The following PCDH11X variants were observed in gnomAD, a reference collection of about 807,000 sequenced individuals.
The protein encoded by PCDH11X is protocadherin 11 X-linked.
Under a neutral mutation model 53.3 loss-of-function variants are expected in PCDH11X, and 18 were observed. The ratio of observed to expected loss-of-function variants is 0.34; its 90% CI spans 0.23 to 0.50. The LOEUF (loss-of-function observed/expected upper bound fraction) is 0.50, where lower values mean the gene tolerates loss of function less well. Ranked by LOEUF, PCDH11X falls within the 20% of genes least tolerant of loss-of-function variation. The probability of loss-of-function intolerance (pLI) is 0.98; values close to 1 mark genes in which losing one functional copy is unlikely to be tolerated. For synonymous variants in PCDH11X, 279 were observed against 393.3 expected (o/e 0.71, Z 3.44); for missense variants, 570 against 1,032.4 (o/e 0.55, Z 6.14).
At chrX:92,358,527 T>A in intron 8 of PCDH11X, among the ~76,000 whole-genome samples, 1 of 91,274 alleles carries the variant, frequency 1.1e-5, no homozygotes, top group Non-Finnish European at 2.1e-5. Flanking sequence ...TTTTTTGATT[T>A]TTTTTTTTTG....
intron 6 of PCDH11X, among the ~76,000 whole-genome samples, chrX:92,134,615 G>A (rs2065053869): frequency 9.0e-6 from 1 of 111,089 alleles, no homozygotes; most frequent in Non-Finnish European, 1.9e-5. Flanking sequence ...TAAAGTGAAA[G>A]CACGTTTATT....
intron 6 of PCDH11X, among the ~76,000 whole-genome samples, chrX:91,945,048 C>CATATATATATATATATATATATATAT (rs754168068): frequency 5.1e-4 from 32 of 62,915 alleles, no homozygotes; most frequent in South Asian, 8.5e-4. Flanking sequence ...ACATCATATA[C>CATATATATATATATATATATATATAT]ATATATATAT....
chrX:92,112,052 C>T (rs1444591422), intron 6 of PCDH11X, among the ~76,000 whole-genome samples: 14 of 107,008 alleles, frequency 1.3e-4, no homozygotes, highest in Admixed American at 4.1e-4. Context: ...CCACTGCGCC[C>T]AGCCTCTAAT....
chrX:92,391,445 G>C (rs1159720850), intron 9 of PCDH11X, among the ~76,000 whole-genome samples: 7 of 109,541 alleles, frequency 6.4e-5, no homozygotes, highest in Non-Finnish European at 1.1e-4. Context: ...AGGACAGTGA[G>C]ATCCTCTTGG....
chrX:92,217,539 C>T (rs944576147), intron 7 of PCDH11X, among the ~76,000 whole-genome samples: 2 of 100,168 alleles, frequency 2.0e-5, no homozygotes, highest in Admixed American at 1.1e-4. Context: ...ACAGGAGCAC[C>T]CAGTTTCATA....
chrX:92,169,600 TG>T (rs1442127289), intron 6 of PCDH11X, among the ~76,000 whole-genome samples: 3 of 97,663 alleles, frequency 3.1e-5, no homozygotes, highest in African/African-American at 1.1e-4. Context: ...CTAGCCAATT[TG>T]ATGAATAAAT....
intron 5 of PCDH11X, among the ~76,000 whole-genome samples, chrX:91,839,032 T>A (rs1199979312): frequency 8.9e-6 from 1 of 112,989 alleles, no homozygotes; most frequent in Non-Finnish European, 1.9e-5. Flanking sequence ...AAACTTAGAA[T>A]ATTTATTTCT....
At chrX:92,337,606 C>T (rs931755113) in intron 8 of PCDH11X, among the ~76,000 whole-genome samples, 1 of 109,504 alleles carries the variant, frequency 9.1e-6, no homozygotes, top group East Asian at 2.9e-4. Flanking sequence ...ATATGTAATG[C>T]AACATGAACA....
chrX:92,299,213 C>T (rs1462785653), intron 8 of PCDH11X, among the ~76,000 whole-genome samples: 1 of 111,417 alleles, frequency 9.0e-6, no homozygotes, highest in Non-Finnish European at 1.9e-5. Context: ...TGCTTTAAGG[C>T]CCAGGAAAGG....
intron 10 of PCDH11X, among the ~76,000 whole-genome samples, chrX:92,495,307 C>T (rs1349858618): frequency 2.7e-5 from 3 of 109,168 alleles, no homozygotes; most frequent in South Asian, 4.1e-4. Flanking sequence ...ATGATTCATG[C>T]GGCTTCATGT....
At chrX:92,143,920 C>T (rs1337646705) in intron 6 of PCDH11X, among the ~76,000 whole-genome samples, 1 of 111,735 alleles carries the variant, frequency 8.9e-6, no homozygotes, top group Non-Finnish European at 1.9e-5. Context: ...CTGCCCAAGA[C>T]CATGGGAACC....
chrX:91,994,245 C>T (rs1262972542), intron 6 of PCDH11X, among the ~76,000 whole-genome samples: 5 of 104,106 alleles, frequency 4.8e-5, no homozygotes, highest in Non-Finnish European at 7.8e-5. Flanking sequence ...AAATACATTA[C>T]GTCTCTAGAA....
At position 92,620,285 on chromosome X, in the gene PCDH11X, A is replaced by T. The variant is rs2148823991; in HGVS notation, c.*1345A>T. The T allele has an allele frequency of 9.0e-6, 1 of 111,288 alleles. No individual in the cohort carries two copies. The highest frequency in any genetic ancestry group is 3.3e-5 in the African/African-American group (1 of 30,674). 9.2% of individuals were successfully genotyped at this position (111,288 alleles called of 1,213,427 possible). A position where few individuals can be genotyped will look rare whatever the true frequency, so the allele number is the denominator to read the frequency against. ...AGCAAAGAAACAGTACTATTCATAG[A>T]AAACATTAGTTTTCTTCTGTTGTCT... is the stretch of plus-strand genomic sequence containing the variant. On this transcript the variant is annotated 3_prime_UTR_variant, in exon 11 of 11. Transcript: ENST00000682573.
At chrX:92,136,328 G>T (rs2065082750) in intron 6 of PCDH11X, among the ~76,000 whole-genome samples, 1 of 110,512 alleles carries the variant, frequency 9.0e-6, no homozygotes, top group Non-Finnish European at 1.9e-5. Context: ...AATCTCTGGA[G>T]CCCGAGGAAC....
chrX:91,819,511 G>C (rs1472077943), intron 4 of PCDH11X, among the ~76,000 whole-genome samples: 2 of 109,452 alleles, frequency 1.8e-5, no homozygotes, highest in African/African-American at 3.3e-5. Flanking sequence ...AATACTCCAA[G>C]TTATTATAAA....
At chrX:92,406,470 A>G (rs2148595318) in intron 9 of PCDH11X, among the ~76,000 whole-genome samples, 1 of 103,390 alleles carries the variant, frequency 9.7e-6, no homozygotes, top group Admixed American at 1.1e-4. Context: ...TGTCATGGAA[A>G]CAATGGAATT....
At chrX:91,823,349 T>C (rs1203864591) in intron 4 of PCDH11X, among the ~76,000 whole-genome samples, 1 of 110,819 alleles carries the variant, frequency 9.0e-6, no homozygotes, top group Non-Finnish European at 1.9e-5. Context: ...TTTATGAATC[T>C]GGGTGCTCCT....
intron 10 of PCDH11X, among the ~76,000 whole-genome samples, chrX:92,517,500 A>G (rs1299574221): frequency 9.0e-6 from 1 of 111,647 alleles, no homozygotes. Context: ...AAAATTAATC[A>G]TGTGAACTAG....
intron 10 of PCDH11X, among the ~76,000 whole-genome samples, chrX:92,473,727 T>A (rs1173884775): frequency 9.0e-6 from 1 of 111,116 alleles, no homozygotes; most frequent in African/African-American, 3.3e-5. Context: ...AGCAGCATAT[T>A]GTTTAATTTC....
Sources: allele counts gnomAD v4.1 joint callset (sites outside exome capture counted in the v4.1 genomes callset), GRCh38; gene constraint gnomAD v4.1.1; transcripts MANE v1.5; gene names NCBI Gene and HGNC (gene_info 2026-07-23, HGNC 2026-07-21).